Variants in HS3ST2 observed in about 807,000 individuals in gnomAD.
The protein encoded by HS3ST2 is heparan sulfate-glucosamine 3-sulfotransferase 2, also known as heparan sulfate glucosamine 3-O-sulfotransferase 2.
In HS3ST2, 17 loss-of-function variants were observed where a neutral mutation model predicts 26.3. That is an observed-to-expected ratio of 0.65 (90% confidence interval 0.44 to 0.97). The LOEUF (loss-of-function observed/expected upper bound fraction) is 0.97. HS3ST2 is among the 50% of genes least tolerant of loss of function. The pLI, the probability that HS3ST2 is intolerant of heterozygous loss-of-function variation, is 0.00. For synonymous variants in HS3ST2, 237 were observed against 219.2 expected (o/e 1.08, Z -0.72); for missense variants, 402 against 501.2 (o/e 0.80, Z 1.89).
intron 1 of HS3ST2, among the ~76,000 whole-genome samples, chr16:22,849,804 C>G (rs1024798881): frequency 3.9e-5 from 6 of 152,220 alleles, no homozygotes; most frequent in Admixed American, 6.5e-5. Flanking sequence ...TTGGCTTCTA[C>G]TCGATAACCT....
chr16:22,819,270 AC>A (rs1338171745), intron 1 of HS3ST2, among the ~76,000 whole-genome samples: 2 of 150,430 alleles, frequency 1.3e-5, no homozygotes, highest in African/African-American at 4.9e-5. Context: ...CAGTCTGCTC[AC>A]CTGTGAAATG....
At chr16:22,897,955 T>C (rs1567499573) in intron 1 of HS3ST2, among the ~76,000 whole-genome samples, 1 of 152,196 alleles carries the variant, frequency 6.6e-6, no homozygotes, top group South Asian at 2.1e-4. Flanking sequence ...GTAAATTTCA[T>C]CCGTGAATCA....
intron 1 of HS3ST2, among the ~76,000 whole-genome samples, chr16:22,890,105 A>G (rs1007689106): frequency 6.6e-6 from 1 of 152,190 alleles, no homozygotes; most frequent in African/African-American, 2.4e-5. Context: ...AGCTTCGGAT[A>G]TCTCTCCTTT....
At chr16:22,834,654 G>C (rs1214508132) in intron 1 of HS3ST2, among the ~76,000 whole-genome samples, 1 of 150,236 alleles carries the variant, frequency 6.7e-6, no homozygotes, top group Non-Finnish European at 1.5e-5. Context: ...GAGGAATTTT[G>C]GGGTTTGTGG....
At chr16:22,906,594 A>T (rs1221303900) in intron 1 of HS3ST2, among the ~76,000 whole-genome samples, 1 of 152,184 alleles carries the variant, frequency 6.6e-6, no homozygotes, top group Non-Finnish European at 1.5e-5. Context: ...ATGGCATGAG[A>T]CGTTCCTTTA....
At chr16:22,885,975 C>T (rs949190826) in intron 1 of HS3ST2, among the ~76,000 whole-genome samples, 8 of 152,142 alleles carry the variant, frequency 5.3e-5, no homozygotes, top group African/African-American at 1.9e-4. Context: ...TTTCCTGGCT[C>T]ATGTGTGGAA....
At chr16:22,886,120 A>G (rs1902054895) in intron 1 of HS3ST2, among the ~76,000 whole-genome samples, 2 of 152,328 alleles carry the variant, frequency 1.3e-5, no homozygotes, top group East Asian at 1.9e-4. Context: ...ACCCTCTCCA[A>G]GCAGCTACGG....
intron 1 of HS3ST2, among the ~76,000 whole-genome samples, chr16:22,862,097 C>A (rs1901685067): frequency 6.6e-6 from 1 of 152,172 alleles, no homozygotes; most frequent in Non-Finnish European, 1.5e-5. Flanking sequence ...TCATTTACAG[C>A]TGTAGCCTTA....
chr16:22,839,700 C>T (rs972274153), intron 1 of HS3ST2, among the ~76,000 whole-genome samples: 1 of 152,020 alleles, frequency 6.6e-6, no homozygotes, highest in South Asian at 2.1e-4. Context: ...ACCTGCTACT[C>T]TTGCTAGTTA....
intron 1 of HS3ST2, among the ~76,000 whole-genome samples, chr16:22,849,755 C>G (rs1364529965): frequency 6.6e-6 from 1 of 152,226 alleles, no homozygotes; most frequent in Non-Finnish European, 1.5e-5. Flanking sequence ...CCATTGTGCT[C>G]CATCTTTCAG....
At chr16:22,858,762 C>T (rs529864773) in intron 1 of HS3ST2, among the ~76,000 whole-genome samples, 2 of 152,184 alleles carry the variant, frequency 1.3e-5, no homozygotes, top group African/African-American at 4.8e-5. Context: ...AAAATGGTTC[C>T]TTCACTGGGC....
chr16:22,846,115 T>C (rs566005167), intron 1 of HS3ST2, among the ~76,000 whole-genome samples: 1 of 152,216 alleles, frequency 6.6e-6, no homozygotes, highest in South Asian at 2.1e-4. Context: ...CCATCTCTGC[T>C]AAAAATACAA....
Position 22,880,075 on chromosome 16 carries a change from G to A in HS3ST2, c.486-34869G>A, listed in dbSNP as rs558214109. ...GTATTGGAGAGTAATCAAACCACATGAGGAAAGACTCATAGCTGCTAACTC... is the reference window on the plus strand; with the variant it reads ...GTATTGGAGAGTAATCAAACCACATAAGGAAAGACTCATAGCTGCTAACTC... On this transcript the variant is annotated intron_variant, in intron 1 of 1. Transcript: ENST00000261374. 1.1e-4 allele frequency among the ~76,000 whole-genome samples: 16 copies of A among 152,318 alleles called. 1 individual carries two copies. The South Asian group carries it at 3.3e-3, about 32-fold the overall frequency.
At chr16:22,909,621 A>G (rs1198015646) in intron 1 of HS3ST2, among the ~76,000 whole-genome samples, 1 of 152,214 alleles carries the variant, frequency 6.6e-6, no homozygotes, top group Non-Finnish European at 1.5e-5. Flanking sequence ...TTGGTGGGAT[A>G]GAGAAAATTT....
At chr16:22,865,914 G>T (rs1901743364) in intron 1 of HS3ST2, among the ~76,000 whole-genome samples, 1 of 151,994 alleles carries the variant, frequency 6.6e-6, no homozygotes, top group Admixed American at 6.6e-5. Context: ...CACTATAGTG[G>T]GTCAAAAGAG....
At chr16:22,887,054 A>T (rs1296142266) in intron 1 of HS3ST2, among the ~76,000 whole-genome samples, 3 of 152,120 alleles carry the variant, frequency 2.0e-5, no homozygotes, top group African/African-American at 7.2e-5. Context: ...GCCTGATCTA[A>T]TTCCACTTTT....
chr16:22,910,658 A>G (rs994365792), intron 1 of HS3ST2, among the ~76,000 whole-genome samples: 1 of 152,220 alleles, frequency 6.6e-6, no homozygotes, highest in South Asian at 2.1e-4. Flanking sequence ...GTCCTACTCA[A>G]TACTAATAAA....
At chr16:22,850,359 C>G (rs1360144110) in intron 1 of HS3ST2, among the ~76,000 whole-genome samples, 1 of 152,100 alleles carries the variant, frequency 6.6e-6, no homozygotes, top group African/African-American at 2.4e-5. Context: ...AAAATAATAC[C>G]TTATAATGGC....
At chr16:22,873,652 C>G (rs1901868281) in intron 1 of HS3ST2, among the ~76,000 whole-genome samples, 1 of 152,204 alleles carries the variant, frequency 6.6e-6, no homozygotes, top group African/African-American at 2.4e-5. Context: ...AGAACAAAAT[C>G]CATGTGTTTC....
Sources: allele counts gnomAD v4.1 joint callset (sites outside exome capture counted in the v4.1 genomes callset), GRCh38; gene constraint gnomAD v4.1.1; transcripts MANE v1.5; gene names NCBI Gene and HGNC (gene_info 2026-07-23, HGNC 2026-07-21).